Variants in TSPAN1 observed in about 807,000 individuals in gnomAD.
TSPAN1 encodes tetraspanin-1.
TSPAN1 carries 23 observed loss-of-function variants against 26.9 expected under a neutral mutation model. The observed-to-expected ratio is 0.85, with a 90% CI of 0.62 to 1.21. The LOEUF (loss-of-function observed/expected upper bound fraction) is 1.21. Among genes scored for constraint, TSPAN1 ranks in the 50% most tolerant of loss-of-function variants. The probability of loss-of-function intolerance (pLI) is 0.00; values close to 1 mark genes in which losing one functional copy is unlikely to be tolerated. For missense variants in TSPAN1, 283 were observed against 298.4 expected (o/e 0.95, Z 0.38); for synonymous variants, 115 against 114.8 (o/e 1.00, Z -0.01).
chr1:46,183,892 G>A (rs955058139), intron 3 of TSPAN1: 13 of 477,000 alleles, frequency 2.7e-5, no homozygotes, highest in Middle Eastern at 1.1e-3. Flanking sequence ...TCCTAGCTAT[G>A]TGGCAGGACC....
At chr1:46,175,484 A>T in intron 1 of TSPAN1, 75 bp downstream of exon 1, 1 of 398,172 alleles carries the variant, frequency 2.5e-6, no homozygotes, top group Non-Finnish European at 4.4e-6. Flanking sequence ...GGAATAAGGC[A>T]GTTTGAGCAG....
At chr1:46,177,533 A>G (rs967500975) in intron 1 of TSPAN1, among the ~76,000 whole-genome samples, 1 of 152,226 alleles carries the variant, frequency 6.6e-6, no homozygotes, top group Non-Finnish European at 1.5e-5. Flanking sequence ...GCACTTCAGC[A>G]CTACAACTGG....
chr1:46,193,705 C>T, the TSPAN1 span: 11 of 1,608,958 alleles, frequency 6.8e-6, no homozygotes, highest in South Asian at 3.3e-5. Context: ...CCTGTGTTTA[C>T]AGCTGGGCCC....
In TSPAN1 at chr1:46,184,224, T is replaced by C; in HGVS notation, c.91T>C (p.Trp31Arg). 6.2e-7 allele frequency: 1 copy of C among 1,614,210 alleles called. No individual in the cohort carries two copies. The highest frequency in any genetic ancestry group is 1.1e-5 in the South Asian group (1 of 91,076). The stretch of plus-strand genomic sequence containing the variant: ...TGCAGCCCTGTTGGCAGTGGGCATC[T>C]GGGTGTCAATCGATGGGGCATCCTT... ...CGAALLAVGIWVSIDGASFLK... is the reference protein window; with the variant it reads ...CGAALLAVGIRVSIDGASFLK... Residue 31 changes from tryptophan to arginine, a missense_variant, in exon 4 of 9, where the codon TGG becomes CGG. Coordinates refer to ENST00000372003, the MANE Select transcript of TSPAN1 (RefSeq NM_005727.4).
chr1:46,185,967 G>A (rs1246318194), downstream of TSPAN1: 3 of 192,148 alleles, frequency 1.6e-5, no homozygotes, highest in East Asian at 4.2e-4. Flanking sequence ...TTGCCAGTTG[G>A]ACTCTTCATG....
rs954101505 is a variant in TSPAN1 at position 46,181,925 on chromosome 1, T to C, written c.57+761T>C. Among the ~76,000 whole-genome samples, 5 of 152,070 alleles carry C rather than the reference T, an allele frequency of 3.3e-5. 1 individual carries two copies. Among genetic ancestry groups the C allele is most frequent in the Admixed American group, 3.3e-4 (5 of 15,268 alleles). ...TTCAGAAAACCAGAAACAGATTGCATAGGGCATGTTTGAGAAGCTGAGCCA... is the reference window on the plus strand; with the variant it reads ...TTCAGAAAACCAGAAACAGATTGCACAGGGCATGTTTGAGAAGCTGAGCCA... On this transcript the variant is annotated intron_variant, in intron 3 of 8. Transcript: ENST00000372003.
At chr1:46,177,398 TGA>T (rs1046306488) in intron 1 of TSPAN1, among the ~76,000 whole-genome samples, 3 of 152,128 alleles carry the variant, frequency 2.0e-5, no homozygotes, top group African/African-American at 7.2e-5. Flanking sequence ...TATCTATATT[TGA>T]GTCATTGACA....
chr1:46,178,320 G>A lies in TSPAN1; in HGVS notation c.-141-2206G>A, dbSNP rs10157243. ...TGCAGTGAGCCAAGATTGCGCCACT[G>A]CATTCCAGCCTGGGCAACAGAGTGA... On this transcript the variant is annotated intron_variant, in intron 1 of 8. Transcript: ENST00000372003. 5.3e-3 allele frequency among the ~76,000 whole-genome samples: 808 copies of A among 151,206 alleles called. 9 individuals carry two copies. The highest frequency in any genetic ancestry group is 0.019 in the African/African-American group (768 of 41,228).
intron 1 of TSPAN1, among the ~76,000 whole-genome samples, chr1:46,180,316 A>G (rs2148139483): frequency 6.6e-6 from 1 of 152,330 alleles, no homozygotes; most frequent in South Asian, 2.1e-4. Flanking sequence ...CTGGGAAGCC[A>G]CTTGCCCCAC....
At chr1:46,176,478 A>G in intron 1 of TSPAN1, 2 of 1,535,472 alleles carry the variant, frequency 1.3e-6, no homozygotes, top group Non-Finnish European at 1.7e-6. Flanking sequence ...CCATGGGCAC[A>G]GGGAGCTTCT....
intron 1 of TSPAN1, among the ~76,000 whole-genome samples, chr1:46,179,658 T>C (rs1657264396): frequency 6.6e-6 from 1 of 151,504 alleles, no homozygotes; most frequent in Non-Finnish European, 1.5e-5. Flanking sequence ...CCACTAGGAG[T>C]AACAAAGATG....
chr1:46,189,653 C>A, downstream of TSPAN1: 2 of 1,556,738 alleles, frequency 1.3e-6, no homozygotes, highest in Non-Finnish European at 8.7e-7. Flanking sequence ...AGCCCCCACC[C>A]CTCCTCAGAA....
chr1:46,189,957 G>C (rs911220909), downstream of TSPAN1: 1 of 1,614,176 alleles, frequency 6.2e-7, no homozygotes, highest in Non-Finnish European at 8.5e-7. Context: ...GTCTTCACAA[G>C]GGTTCTTGCT....
At chr1:46,195,093 A>C in the TSPAN1 span, 1 of 797,912 alleles carries the variant, frequency 1.3e-6, no homozygotes. Context: ...CTCTATGGTT[A>C]CTCTCTTTCA....
At chr1:46,177,047 A>T (rs561832903) in intron 1 of TSPAN1, among the ~76,000 whole-genome samples, 1 of 152,080 alleles carries the variant, frequency 6.6e-6, no homozygotes, top group Non-Finnish European at 1.5e-5. Flanking sequence ...TTTAATATAT[A>T]TTGTTGGCCA....
chr1:46,180,782 G>C, intron 2 of TSPAN1, 124 bp downstream of exon 2: 1 of 398,456 alleles, frequency 2.5e-6, no homozygotes, highest in South Asian at 3.2e-5. Context: ...GGGGAGCACA[G>C]GATATACAGG....
At chr1:46,194,998 T>C in the TSPAN1 span, 1 of 1,599,624 alleles carries the variant, frequency 6.3e-7, no homozygotes, top group African/African-American at 1.3e-5. Flanking sequence ...CTGACTGGCA[T>C]GGTTCCAGGA....
At chr1:46,186,275 G>A (rs902960699), downstream of TSPAN1, among the ~76,000 whole-genome samples, 2 of 152,020 alleles carry the variant, frequency 1.3e-5, no homozygotes, top group African/African-American at 2.4e-5. Flanking sequence ...AGCTTGTGAC[G>A]AATTCTTACC....
the TSPAN1 span, chr1:46,192,277 T>G: frequency 6.2e-7 from 1 of 1,614,168 alleles, no homozygotes; most frequent in Non-Finnish European, 8.5e-7. Context: ...GGTAGGGGAC[T>G]CCAGCCCCCT....
Sources: gnomAD v4.1 joint callset for allele counts (sites outside exome capture counted in the v4.1 genomes callset) on GRCh38, gnomAD v4.1.1 for gene constraint, MANE v1.5 for transcripts, NCBI Gene and HGNC (gene_info 2026-07-23, HGNC 2026-07-21) for gene names.